The following MAST2 variants were observed in gnomAD, a reference collection of about 807,000 sequenced individuals.
MAST2 encodes the protein microtubule associated serine/threonine kinase 2.
In MAST2, 70 loss-of-function variants were observed where a neutral mutation model predicts 147.4. The observed-to-expected ratio is 0.47, with a 90% CI of 0.39 to 0.58. The LOEUF (loss-of-function observed/expected upper bound fraction) is 0.58. Among genes scored for constraint, MAST2 ranks in the 20% least tolerant of loss-of-function variants. The pLI is 0.00. For synonymous variants in MAST2, 869 were observed against 896.8 expected, an observed-to-expected ratio of 0.97 and a Z score of 0.55; for missense variants, 2,080 against 2,302.3, an observed-to-expected ratio of 0.90 and a Z score of 1.98.
At chr1:45,812,060 G>A (rs1020517444) in intron 1 of MAST2, among the ~76,000 whole-genome samples, 1 of 152,230 alleles carries the variant, frequency 6.6e-6, no homozygotes, top group East Asian at 1.9e-4. Flanking sequence ...GTGAGCCACC[G>A]CGCGCGGCAC....
At chr1:45,943,158 C>T (rs896316971) in intron 4 of MAST2, among the ~76,000 whole-genome samples, 5 of 152,112 alleles carry the variant, frequency 3.3e-5, no homozygotes, top group East Asian at 1.9e-4. Flanking sequence ...AATGGTATGG[C>T]CTTGTTTACT....
Position 45,929,488 on chromosome 1 carries a change from A to G in MAST2, c.501-29898A>G, listed in dbSNP as rs544252879. On this transcript the variant is annotated intron_variant, in intron 4 of 28. Transcript: ENST00000361297. The stretch of plus-strand genomic sequence containing the variant: ...TGGCTTCCTCTTCTGGCCCACGTAG[A>G]AAGAGGAATTATCTGTAGTAGTCAT... 2.6e-5 allele frequency among the ~76,000 whole-genome samples: 4 copies of G among 152,262 alleles called. No homozygotes were observed. The South Asian group carries it at 8.3e-4, about 32-fold the overall frequency.
intron 4 of MAST2, among the ~76,000 whole-genome samples, chr1:45,918,910 C>G (rs939642043): frequency 6.6e-6 from 1 of 152,038 alleles, no homozygotes; most frequent in Non-Finnish European, 1.5e-5. Flanking sequence ...TTCAAGACCA[C>G]TCACAAGTTC....
chr1:45,845,036 T>G (rs1320900291), intron 3 of MAST2, among the ~76,000 whole-genome samples: 1 of 152,146 alleles, frequency 6.6e-6, no homozygotes, highest in Admixed American at 6.6e-5. Flanking sequence ...CTTTCATGAC[T>G]TAAACACCTC....
At chr1:45,947,712 C>T (rs1047160335) in intron 4 of MAST2, among the ~76,000 whole-genome samples, 2 of 152,148 alleles carry the variant, frequency 1.3e-5, no homozygotes, top group Non-Finnish European at 2.9e-5. Flanking sequence ...TAGTCTCAGC[C>T]CAAAAGCTTC....
At chr1:45,819,302 A>G (rs1014315241) in intron 1 of MAST2, among the ~76,000 whole-genome samples, 4 of 152,090 alleles carry the variant, frequency 2.6e-5, no homozygotes, top group Non-Finnish European at 5.9e-5. Flanking sequence ...ACAAATTCTA[A>G]TCATGCAAAC....
chr1:46,013,430 C>T (rs777110985), intron 10 of MAST2, among the ~76,000 whole-genome samples: 2 of 152,120 alleles, frequency 1.3e-5, no homozygotes, highest in Admixed American at 6.6e-5. Context: ...CCTGTAATCC[C>T]AGCACTTTGG....
At chr1:46,002,719 C>T (rs1206627107) in intron 6 of MAST2, 86 bp from the exon 7 acceptor site, 1 of 1,150,292 alleles carries the variant, frequency 8.7e-7, no homozygotes, top group Non-Finnish European at 1.3e-6. Flanking sequence ...AATCAACTGC[C>T]CCCAAAATGC....
intron 3 of MAST2, among the ~76,000 whole-genome samples, chr1:45,860,490 T>G (rs748262481): frequency 1.3e-5 from 2 of 152,118 alleles, no homozygotes; most frequent in Non-Finnish European, 2.9e-5. Context: ...GTTTACCAAC[T>G]TAATTATTCT....
At chr1:45,813,830 T>A (rs1248568692) in intron 1 of MAST2, among the ~76,000 whole-genome samples, 4 of 152,144 alleles carry the variant, frequency 2.6e-5, no homozygotes, top group Non-Finnish European at 5.9e-5. Flanking sequence ...AATTTTTTTT[T>A]AAATAGAGAT....
intron 3 of MAST2, among the ~76,000 whole-genome samples, chr1:45,861,566 C>A (rs1236974878): frequency 6.6e-6 from 1 of 152,044 alleles, no homozygotes; most frequent in African/African-American, 2.4e-5. Flanking sequence ...CTGCTTTTTC[C>A]TTTTCATCTG....
chr1:45,968,877 G>T (rs1269396178), intron 5 of MAST2, among the ~76,000 whole-genome samples: 5 of 139,272 alleles, frequency 3.6e-5, no homozygotes, highest in South Asian at 2.3e-4. Context: ...TCTGGTGTTG[G>T]TTTTTTTTTT....
In MAST2 at chr1:45,985,002, TAAAC is replaced by T. The variant is rs546274430; in HGVS notation, c.593-12718_593-12715del. Among the ~76,000 whole-genome samples the T allele has an allele frequency of 1.2e-3, 176 of 152,334 alleles. 1 individual carries two copies. Among genetic ancestry groups the T allele is most frequent in the Admixed American group, 8.8e-3 (135 of 15,306 alleles). On this transcript the variant is annotated intron_variant, in intron 5 of 28. Coordinates refer to ENST00000361297, the MANE Select transcript of MAST2 (RefSeq NM_015112.3). ...TGTTTTACTTATTTATATTTATTTT[TAAAC>T]AAATGTTACTGTGATAAAATTGATA... is the stretch of plus-strand genomic sequence containing the variant.
At chr1:45,823,460 G>A (rs1361181547) in intron 1 of MAST2, among the ~76,000 whole-genome samples, 2 of 151,482 alleles carry the variant, frequency 1.3e-5, no homozygotes, top group East Asian at 1.9e-4. Context: ...TCAGCCTCCC[G>A]AGTAAGCCGG....
rs556378765 is a variant in MAST2, at chr1:45,986,711, C to T, written c.593-11013C>T. On this transcript the variant is annotated intron_variant, in intron 5 of 28. Coordinates refer to ENST00000361297, the MANE Select transcript of MAST2 (RefSeq NM_015112.3). The stretch of plus-strand genomic sequence containing the variant: ...CAGCCTGGGCGACACAGAGAGACTC[C>T]GTCTCAAAAAAAAAAAAAAAAAAAA... Among the ~76,000 whole-genome samples, 22 of 84,732 alleles carry T rather than the reference C, an allele frequency of 2.6e-4. No homozygotes were observed. The East Asian group carries it at 5.1e-3, about 20-fold the overall frequency. 55.6% of individuals were successfully genotyped at this position (84,732 alleles called of 152,430 possible).
chr1:45,975,721 T>C (rs1051600760), intron 5 of MAST2, among the ~76,000 whole-genome samples: 1 of 151,142 alleles, frequency 6.6e-6, no homozygotes, highest in African/African-American at 2.4e-5. Context: ...ACAGATCGTT[T>C]GTTACTAGAT....
intron 4 of MAST2, among the ~76,000 whole-genome samples, chr1:45,929,483 C>A (rs180710147): frequency 2.6e-4 from 39 of 152,096 alleles, no homozygotes; most frequent in African/African-American, 7.2e-5. Context: ...TTCTGGCCCA[C>A]GTAGAAAGAG....
rs1448379561 is a variant in MAST2, at chr1:45,821,895, T to TTTG, written c.178-2536_178-2535insGTT. ...TTGTTTCACCTTCACCTTTTTTTTT[T>TTTG]TTTTTTTTTTGGTGACAGAGTGTTG... On this transcript the variant is annotated intron_variant, in intron 1 of 28. Transcript: ENST00000361297. Among the ~76,000 whole-genome samples, 953 of 140,068 alleles carry TTTG rather than the reference T, an allele frequency of 6.8e-3. 31 individuals are homozygous for TTTG. The highest frequency in any genetic ancestry group is 0.025 in the African/African-American group (913 of 36,900). 91.9% of individuals were successfully genotyped at this position (140,068 alleles called of 152,430 possible).
chr1:45,963,442 G>A (rs1226185892), intron 5 of MAST2, among the ~76,000 whole-genome samples: 2 of 152,134 alleles, frequency 1.3e-5, no homozygotes, highest in African/African-American at 4.8e-5. Context: ...ATTTCATTGA[G>A]CAGTGGTTTA....
Sources: gnomAD v4.1 joint callset for allele counts (sites outside exome capture counted in the v4.1 genomes callset) on GRCh38, gnomAD v4.1.1 for gene constraint, MANE v1.5 for transcripts, NCBI Gene and HGNC (gene_info 2026-07-23, HGNC 2026-07-21) for gene names.